Variants in TVP23A observed in about 807,000 individuals in gnomAD.
The protein encoded by TVP23A is trans-golgi network vesicle protein 23 homolog A, also known as Golgi apparatus membrane protein TVP23 homolog A.
A neutral mutation model predicts 31.7 loss-of-function variants in TVP23A; 21 were observed. The ratio of observed to expected loss-of-function variants is 0.66; its 90% CI spans 0.47 to 0.95. TVP23A has a LOEUF of 0.95. Ranked by LOEUF, TVP23A falls within the 40% of genes least tolerant of loss-of-function variation. The pLI is 0.00. For synonymous variants in TVP23A, 104 were observed against 96.0 expected (o/e 1.08, Z -0.49); for missense variants, 279 against 255.6 (o/e 1.09, Z -0.62).
rs771532050 is a variant in TVP23A at position 10,773,355 on chromosome 16, C to A, written c.411G>T (p.Val137=). 2.0e-5 allele frequency: 32 copies of A among 1,609,868 alleles called. 1 individual carries two copies. In the Admixed American group the frequency reaches 3.2e-4, roughly 16 times the overall value. The change falls in exon 5 of 8, where the codon GTG becomes GTT. Residue 137 remains valine, a synonymous_variant. Transcript: ENST00000299866. ...GLIICPMIWI[V]FFFSTLFSLK... ...AGGAAAATAAGGTGCTAAAAAAAAA[C>A]ACAATCCATATCATGGGGCAGATTA... is the stretch of plus-strand genomic sequence containing the variant.
rs2034535411 is a variant in TVP23A, at chr16:10,818,365, C to T, written c.9+120G>A. On this transcript the variant is annotated intron_variant, in intron 1 of 7. Transcript: ENST00000299866. The surrounding 1 kb of genome is among the most constrained non-coding windows in gnomAD (Gnocchi z 4.7). The stretch of plus-strand genomic sequence containing the variant: ...AAGCCCTCTCCACCCTCCCGACCAC[C>T]GGGTGCAGCCCAGCCCCAGGCCCCG... The T allele has an allele frequency of 1.4e-6, 2 of 1,459,592 alleles. No homozygotes were observed. The highest frequency in any genetic ancestry group is 1.2e-5 in the South Asian group (1 of 81,510). 90.4% of individuals were successfully genotyped at this position (1,459,592 alleles called of 1,614,324 possible).
chr16:10,815,993 G>A lies in TVP23A; in HGVS notation c.89+2110C>T, dbSNP rs147289015. On this transcript the variant is annotated intron_variant, in intron 2 of 7. Coordinates refer to ENST00000299866, the MANE Select transcript of TVP23A (RefSeq NM_001079512.4). ...TCCCAAGGCTTTAAGAGGCTGACAC[G>A]GGAAGAGTACTTGAGGCCGGAAGTT... Among the ~76,000 whole-genome samples the A allele has an allele frequency of 2.5e-3, 379 of 152,220 alleles. 1 individual carries two copies. The highest frequency in any genetic ancestry group is 8.7e-3 in the African/African-American group (363 of 41,522).
chr16:10,774,174 G>T (rs1012365339), intron 3 of TVP23A, 46 bp from the exon 4 acceptor site: 6 of 1,452,146 alleles, frequency 4.1e-6, no homozygotes, highest in Non-Finnish European at 5.7e-6. Flanking sequence ...CAGGCAAAGA[G>T]GCTTATTCAC....
At chr16:10,786,678 G>C (rs920135558) in intron 2 of TVP23A, among the ~76,000 whole-genome samples, 2 of 150,870 alleles carry the variant, frequency 1.3e-5, no homozygotes, top group African/African-American at 4.9e-5. Context: ...GGGGATGGGA[G>C]GGGGTGAAGA....
In TVP23A at chr16:10,768,006, C is replaced by T. The variant is rs368639034; in HGVS notation, c.*1096G>A. On this transcript the variant is annotated 3_prime_UTR_variant, in exon 8 of 8. Coordinates refer to ENST00000299866, the MANE Select transcript of TVP23A (RefSeq NM_001079512.4). This position sits in a 1 kb window ranked among gnomAD's most constrained non-coding sequence, Gnocchi z 4.3. ...ATTGACGCCCCAGATTCCCCAGCCA[C>T]GTTAGCCTACAGAAGTATAATTCAG... 5.0e-6 allele frequency: 8 copies of T among 1,614,080 alleles called. No individual in the cohort carries two copies. Among genetic ancestry groups the T allele is most frequent in the South Asian group, 4.4e-5 (4 of 91,078 alleles).
At chr16:10,812,010 T>C (rs757218130) in intron 2 of TVP23A, among the ~76,000 whole-genome samples, 2 of 149,236 alleles carry the variant, frequency 1.3e-5, no homozygotes, top group Admixed American at 6.7e-5. Flanking sequence ...AGGCAGCCTA[T>C]AGAATAAGAG....
chr16:10,775,212 C>G, intron 2 of TVP23A, 116 bp from the exon 3 acceptor site: 1 of 1,473,126 alleles, frequency 6.8e-7, no homozygotes, highest in Non-Finnish European at 9.0e-7. Context: ...GGAATGTTCT[C>G]CCCGGTGCAT....
At chr16:10,761,572 T>A (rs1356672095) in intron 8 of TVP23A, 2 of 1,142,438 alleles carry the variant, frequency 1.8e-6, no homozygotes, top group Non-Finnish European at 2.5e-6. Flanking sequence ...GCTTTCCCTG[T>A]CATTTTGGGA....
rs1014144638 is a variant in TVP23A, at chr16:10,777,689, C to A, written c.90-2593G>T. Among the ~76,000 whole-genome samples the A allele has an allele frequency of 6.6e-6, 1 of 152,186 alleles. No individual in the cohort carries two copies. The highest frequency in any genetic ancestry group is 2.4e-5 in the African/African-American group (1 of 41,448). Reference sequence around the variant, plus strand: ...TCCTGGTGACCTGAATGAAAACCAACCCAGGAAGTGCACCCGGCTTTTAAG... The same window carrying A: ...TCCTGGTGACCTGAATGAAAACCAAACCAGGAAGTGCACCCGGCTTTTAAG... On this transcript the variant is annotated intron_variant, in intron 2 of 7. Coordinates refer to ENST00000299866, the MANE Select transcript of TVP23A (RefSeq NM_001079512.4). This position sits in a 1 kb window ranked among gnomAD's most constrained non-coding sequence, Gnocchi z 4.5.
intron 2 of TVP23A, among the ~76,000 whole-genome samples, chr16:10,805,598 C>A (rs2033905921): frequency 6.7e-6 from 1 of 150,166 alleles, no homozygotes; most frequent in Middle Eastern, 3.2e-3. Flanking sequence ...GGCCATGGAA[C>A]CCCCGAGGCT....
chr16:10,788,462 G>C (rs2032901319), intron 2 of TVP23A, among the ~76,000 whole-genome samples: 1 of 152,036 alleles, frequency 6.6e-6, no homozygotes, highest in Admixed American at 6.6e-5. Context: ...TTTTAGTAGA[G>C]ACAGGGTTTC....
Position 10,768,118 on chromosome 16 carries a change from G to A in TVP23A, c.*984C>T. On this transcript the variant is annotated 3_prime_UTR_variant, in exon 8 of 8. Transcript: ENST00000299866. The surrounding 1 kb of genome is among the most constrained non-coding windows in gnomAD (Gnocchi z 4.3). ...GCCAGGGGTGTGGAAGGACAGGTGG[G>A]TGGTGGGGTCTGTGATGACCACAGA... 1.5e-6 allele frequency: 2 copies of A among 1,317,566 alleles called. No homozygotes were observed. The highest frequency in any genetic ancestry group is 2.9e-5 in the African/African-American group (2 of 68,978). The allele number at this position is 1,317,566 out of a possible 1,614,324, so 81.6% of individuals were successfully genotyped here. A position where few individuals can be genotyped will look rare whatever the true frequency, so the allele number is the denominator to read the frequency against.
At chr16:10,776,877 T>C (rs1318223937) in intron 2 of TVP23A, among the ~76,000 whole-genome samples, 1 of 152,150 alleles carries the variant, frequency 6.6e-6, no homozygotes, top group Non-Finnish European at 1.5e-5. Context: ...GTCATGGTGC[T>C]GGTGGGAGTG....
intron 2 of TVP23A, among the ~76,000 whole-genome samples, chr16:10,786,581 G>C (rs956647455): frequency 6.6e-6 from 1 of 151,916 alleles, no homozygotes; most frequent in Non-Finnish European, 1.5e-5. Context: ...AGTATGGCAG[G>C]CCTGAAGAAA....
chr16:10,787,240 TAGTG>T (rs530910990), intron 2 of TVP23A, among the ~76,000 whole-genome samples: 188 of 152,278 alleles, frequency 1.2e-3, no homozygotes, highest in African/African-American at 4.1e-3. Context: ...TTTAGGCAGA[TAGTG>T]AGGATATGAG....
intron 2 of TVP23A, among the ~76,000 whole-genome samples, chr16:10,807,691 G>C (rs1475840519): frequency 6.6e-6 from 1 of 152,100 alleles, no homozygotes; most frequent in Non-Finnish European, 1.5e-5. Flanking sequence ...TAAAGAGTGG[G>C]GTCAATTCTG....
rs1388686378 is a variant in TVP23A at position 10,768,032 on chromosome 16, AG to A, written c.*1069del. 1.2e-5 allele frequency: 19 copies of A among 1,613,684 alleles called. No homozygotes were observed. The Admixed American group carries it at 2.2e-4, about 18-fold the overall frequency. ...GTTAGCCTACAGAAGTATAATTCAGAGTAAGTATTTCCATGAGTACTAAATG... is the reference window on the plus strand; with the variant it reads ...GTTAGCCTACAGAAGTATAATTCAGATAAGTATTTCCATGAGTACTAAATG... On this transcript the variant is annotated 3_prime_UTR_variant, in exon 8 of 8. Coordinates refer to ENST00000299866, the MANE Select transcript of TVP23A (RefSeq NM_001079512.4). This position sits in a 1 kb window ranked among gnomAD's most constrained non-coding sequence, Gnocchi z 4.3.
chr16:10,782,352 CT>C (rs2032478131), intron 2 of TVP23A, among the ~76,000 whole-genome samples: 1 of 152,196 alleles, frequency 6.6e-6, no homozygotes, highest in Admixed American at 6.5e-5. Context: ...TCTTGCTGGC[CT>C]GCCCCTTGCT....
rs1596506944 is a variant in TVP23A at position 10,777,757 on chromosome 16, A to C, written c.90-2661T>G. On this transcript the variant is annotated intron_variant, in intron 2 of 7. Transcript: ENST00000299866. This position sits in a 1 kb window ranked among gnomAD's most constrained non-coding sequence, Gnocchi z 4.5. ...CCGGGCGTGGTGGCTCACGCCTGTA[A>C]TCCCAGCACTTTGGGAGGCTGAGGC... Among the ~76,000 whole-genome samples, 1 of 152,178 alleles carries C rather than the reference A, an allele frequency of 6.6e-6. No homozygotes were observed. Among genetic ancestry groups the C allele is most frequent in the Non-Finnish European group, 1.5e-5 (1 of 68,034 alleles).
Sources: gnomAD v4.1 joint callset for allele counts (sites outside exome capture counted in the v4.1 genomes callset) on GRCh38, gnomAD v4.1.1 for gene constraint, Gnocchi (gnomAD v3.1) non-coding constraint, MANE v1.5 for transcripts, NCBI Gene and HGNC (gene_info 2026-07-23, HGNC 2026-07-21) for gene names.